Variants in WDPCP observed in about 807,000 individuals in gnomAD.
The protein encoded by WDPCP is WD repeat containing planar cell polarity effector, also known as WD repeat-containing and planar cell polarity effector protein fritz homolog.
WDPCP carries 71 observed loss-of-function variants against 93.1 expected under a neutral mutation model. The observed-to-expected ratio is 0.76, with a 90% CI of 0.63 to 0.93. The LOEUF (loss-of-function observed/expected upper bound fraction) is 0.93, where lower values mean the gene tolerates loss of function less well. Among genes scored for constraint, WDPCP ranks in the 40% least tolerant of loss-of-function variants. The probability of loss-of-function intolerance (pLI) is 0.00; values close to 1 mark genes in which losing one functional copy is unlikely to be tolerated. For synonymous variants in WDPCP, 315 were observed against 315.0 expected (o/e 1.00, Z 0.00); for missense variants, 844 against 887.4 (o/e 0.95, Z 0.62).
intron 2 of WDPCP, among the ~76,000 whole-genome samples, chr2:63,737,908 T>TA (rs771317627): frequency 3.3e-5 from 5 of 152,180 alleles, no homozygotes; most frequent in Non-Finnish European, 5.9e-5. Context: ...TTGTTTGAGT[T>TA]AGTATACATC....
rs57935293 is a variant in WDPCP at position 63,771,443 on chromosome 2, T to C, written n.308+42179A>G. On this transcript the variant is annotated intron_variant and non_coding_transcript_variant, in intron 2 of 4. Coordinates refer to the WDPCP transcript ENST00000467687. ...AAACCTGTAGGCCCAGATGACTTTG[T>C]CAGTGAATTCTACCGAACAATTAAA... Among the ~76,000 whole-genome samples, 632 of 152,142 alleles carry C rather than the reference T, an allele frequency of 4.2e-3. 2 individuals carry two copies. Among genetic ancestry groups the C allele is most frequent in the African/African-American group, 0.014 (592 of 41,536 alleles).
intron 2 of WDPCP, among the ~76,000 whole-genome samples, chr2:63,712,763 G>C (rs551527811): frequency 2.4e-4 from 37 of 152,274 alleles, no homozygotes; most frequent in South Asian, 1.5e-3. Flanking sequence ...ACCCCCTGTA[G>C]TGTGTTCTCA....
intron 9 of WDPCP, among the ~76,000 whole-genome samples, chr2:63,417,378 T>C (rs564561241): frequency 2.0e-5 from 3 of 152,262 alleles, no homozygotes; most frequent in South Asian, 2.1e-4. Flanking sequence ...TAAAACACTA[T>C]TGATGGAATA....
At chr2:63,775,271 G>C (rs1310956661) in intron 2 of WDPCP, among the ~76,000 whole-genome samples, 3 of 152,152 alleles carry the variant, frequency 2.0e-5, no homozygotes, top group Non-Finnish European at 2.9e-5. Context: ...CAGTGAGCTG[G>C]ATACCTATTC....
At chr2:63,228,912 T>C (rs1242939790) in intron 14 of WDPCP, 3 of 152,182 alleles carry the variant, frequency 2.0e-5, no homozygotes, top group Non-Finnish European at 4.4e-5. Context: ...TGTGTCTTTA[T>C]AGCAGCATGA....
intron 13 of WDPCP, among the ~76,000 whole-genome samples, chr2:63,278,917 C>T (rs1451792018): frequency 6.6e-6 from 1 of 152,146 alleles, no homozygotes; most frequent in African/African-American, 2.4e-5. Flanking sequence ...TAGAAATATA[C>T]AACCCTCCTA....
upstream of WDPCP, chr2:63,590,206 A>T (rs1037930837): frequency 6.6e-6 from 1 of 152,124 alleles, no homozygotes; most frequent in Non-Finnish European, 1.5e-5. Flanking sequence ...TTATCTGATA[A>T]CCTTGGACTT....
At chr2:63,564,584 C>T (rs1161259062) in intron 1 of WDPCP, 1 of 152,108 alleles carries the variant, frequency 6.6e-6, no homozygotes, top group Non-Finnish European at 1.5e-5. Flanking sequence ...AACCAGATAG[C>T]ACAATTAACT....
At chr2:63,483,264 A>G (rs1385499487) in intron 6 of WDPCP, among the ~76,000 whole-genome samples, 1 of 151,956 alleles carries the variant, frequency 6.6e-6, no homozygotes, top group Non-Finnish European at 1.5e-5. Context: ...ATTAAAAACT[A>G]CAAGTTTGGT....
intron 17 of WDPCP, among the ~76,000 whole-genome samples, chr2:63,148,352 C>G (rs995622612): frequency 1.3e-5 from 2 of 151,888 alleles, no homozygotes; most frequent in Non-Finnish European, 2.9e-5. Context: ...TTTCATTTTT[C>G]CTTTTGAGAC....
chr2:63,588,800 G>A (rs1575715115), upstream of WDPCP: 1 of 580,856 alleles, frequency 1.7e-6, no homozygotes, highest in Non-Finnish European at 3.1e-6. Context: ...AGAGCGCAGT[G>A]AGAAGAGCTT....
intron 2 of WDPCP, among the ~76,000 whole-genome samples, chr2:63,767,650 G>C (rs1041442295): frequency 1.3e-5 from 2 of 152,010 alleles, no homozygotes; most frequent in African/African-American, 4.8e-5. Flanking sequence ...TTGACAAAAA[G>C]TCTGTTCAAA....
At chr2:63,571,311 A>G (rs1575671674) in intron 1 of WDPCP, 1 of 445,756 alleles carries the variant, frequency 2.2e-6, no homozygotes, top group Admixed American at 2.5e-5. Context: ...GAAGAATGTT[A>G]TAATTTTTAA....
chr2:63,510,270 G>C (rs1217992493), intron 1 of WDPCP, among the ~76,000 whole-genome samples: 3 of 152,152 alleles, frequency 2.0e-5, no homozygotes. Context: ...TGCAAGCCTG[G>C]TTCAACATAC....
chr2:63,810,907 T>C (rs1335222836), intron 2 of WDPCP, among the ~76,000 whole-genome samples: 2 of 152,210 alleles, frequency 1.3e-5, no homozygotes, highest in Non-Finnish European at 2.9e-5. Context: ...CTAGAAAAGC[T>C]GGACTGATGT....
chr2:63,575,498 A>AGTGTATGCACT (rs1558833306), intron 1 of WDPCP, among the ~76,000 whole-genome samples: 1 of 88,404 alleles, frequency 1.1e-5, no homozygotes, highest in Non-Finnish European at 2.6e-5. Context: ...TAGTATATAC[A>AGTGTATGCACT]GTATATACAC....
At chr2:63,401,497 G>C (rs1222014792) in intron 10 of WDPCP, among the ~76,000 whole-genome samples, 1 of 152,078 alleles carries the variant, frequency 6.6e-6, no homozygotes, top group Non-Finnish European at 1.5e-5. Flanking sequence ...CAAGAGGCCA[G>C]GTGCAGTGGC....
intron 2 of WDPCP, among the ~76,000 whole-genome samples, chr2:63,686,641 A>G (rs1274748536): frequency 6.6e-6 from 1 of 152,216 alleles, no homozygotes; most frequent in African/African-American, 2.4e-5. Flanking sequence ...TATCCTGAGC[A>G]AAAAGAAGAA....
At chr2:63,437,595 A>C in intron 7 of WDPCP, 41 bp from the exon 8 acceptor site, 1 of 1,520,024 alleles carries the variant, frequency 6.6e-7, no homozygotes, top group Non-Finnish European at 8.9e-7. Context: ...AGAATAAAAT[A>C]ATGAATAGAT....
Sources: gnomAD v4.1 joint callset for allele counts (sites outside exome capture counted in the v4.1 genomes callset) on GRCh38, gnomAD v4.1.1 for gene constraint, MANE v1.5 for transcripts, NCBI Gene and HGNC (gene_info 2026-07-23, HGNC 2026-07-21) for gene names.